The following TLCD3B variants were observed in gnomAD, a reference collection of about 807,000 sequenced individuals.
TLCD3B encodes TLC domain containing 3B.
Under a neutral mutation model 23.0 loss-of-function variants are expected in TLCD3B, and 9 were observed. The observed-to-expected ratio is 0.39, with a 90% CI of 0.24 to 0.68. The LOEUF (loss-of-function observed/expected upper bound fraction) is 0.68, where lower values mean the gene tolerates loss of function less well. Among genes scored for constraint, TLCD3B ranks in the 30% least tolerant of loss-of-function variants. The pLI is 0.44. For synonymous variants in TLCD3B, 161 were observed against 161.0 expected, an observed-to-expected ratio of 1.00 and a Z score of 0.00; for missense variants, 307 against 371.8, an observed-to-expected ratio of 0.83 and a Z score of 1.43.
intron 3 of TLCD3B, chr16:30,036,440 A>G (rs2071475455): frequency 8.0e-7 from 1 of 1,252,084 alleles, no homozygotes; most frequent in South Asian, 1.4e-5. Context: ...GAGCAGGCAC[A>G]GGCAGGATGA....
intron 2 of TLCD3B, among the ~76,000 whole-genome samples, chr16:30,045,285 G>GT: frequency 6.8e-6 from 1 of 147,200 alleles, no homozygotes; most frequent in Non-Finnish European, 1.5e-5. Flanking sequence ...TGGTGTGTGT[G>GT]TGGTGGGGTG....
chr16:30,026,728 C>T lies in TLCD3B; in HGVS notation c.325G>A (p.Asp109Asn), dbSNP rs370399407. The T allele has an allele frequency of 2.0e-5, 32 of 1,613,980 alleles. No individual in the cohort carries two copies. Among genetic ancestry groups the T allele is most frequent in the Middle Eastern group, 3.3e-4 (2 of 6,084 alleles). The change falls in exon 3 of 5, where the codon GAC (aspartate) becomes AAC (asparagine). Residue 109 changes from aspartate to asparagine, a missense_variant. Physicochemically the swap from Asp to Asn is conservative, Grantham distance 23. Coordinates refer to ENST00000380495, the MANE Select transcript of TLCD3B (RefSeq NM_031478.6). ...KHQVKGHGGDDGAARAPGSTW... is the reference protein window; with the variant it reads ...KHQVKGHGGDNGAARAPGSTW... ...CTGCCCGGGGCTCTGGCCGCTCCGT[C>T]GTCCCCTCCATGCCCTTTGACCTGG...
intron 3 of TLCD3B, among the ~76,000 whole-genome samples, chr16:30,039,206 C>T (rs371882091): frequency 3.5e-5 from 5 of 144,314 alleles, no homozygotes; most frequent in East Asian, 2.2e-4. Flanking sequence ...TTACCGCAAA[C>T]GTCGCCTCCC....
Position 30,029,442 on chromosome 16 carries a change from T to A in TLCD3B, c.199A>T (p.Ile67Phe). ...YIVSTSCKHI[I>F]DDQHWLSSAY... is the part of the protein sequence containing the mutation. ...TCTCGCAGCACTTACTGGTCATCAA[T>A]GATGTGCTTGCAGGAGGTGGAGACG... The change falls in exon 2 of 5, where the codon ATT becomes TTT. Residue 67 changes from isoleucine (I) to phenylalanine (F), a missense_variant. By Grantham distance (21) the Ile-to-Phe change is conservative (BLOSUM62 0). Coordinates refer to ENST00000380495, the MANE Select transcript of TLCD3B (RefSeq NM_031478.6). This position sits in a 1 kb window ranked among gnomAD's most constrained non-coding sequence, Gnocchi z 4.6. 1 of 1,613,834 alleles carries A rather than the reference T, an allele frequency of 6.2e-7. No individual in the cohort carries two copies. Among genetic ancestry groups the A allele is most frequent in the South Asian group, 1.1e-5 (1 of 91,064 alleles).
intron 2 of TLCD3B, among the ~76,000 whole-genome samples, chr16:30,028,318 G>T (rs796976605): frequency 2.6e-5 from 4 of 152,110 alleles, no homozygotes; most frequent in Admixed American, 6.5e-5. Flanking sequence ...GGATTAACCC[G>T]GATCCTCCCC....
rs948272100 is a variant in TLCD3B at position 30,025,004 on chromosome 16, G to T, written c.*179C>A. 3 of 539,782 alleles carry T rather than the reference G, an allele frequency of 5.6e-6. No homozygotes were observed. Among genetic ancestry groups the T allele is most frequent in the Admixed American group, 3.7e-5 (1 of 26,950 alleles). 33.4% of individuals were successfully genotyped at this position (539,782 alleles called of 1,614,324 possible). On this transcript the variant is annotated 3_prime_UTR_variant, in exon 5 of 5. Coordinates refer to ENST00000380495, the MANE Select transcript of TLCD3B (RefSeq NM_031478.6). This position sits in a 1 kb window ranked among gnomAD's most constrained non-coding sequence, Gnocchi z 4.1. ...GGAAGGGGGCAGAGTAGGGGGAAGA[G>T]GTCCCCTCTCTCCACCCCCTCAGTC... is the stretch of plus-strand genomic sequence containing the variant.
At chr16:30,036,756 C>G (rs4788216) in intron 3 of TLCD3B, among the ~76,000 whole-genome samples, 69,371 of 152,000 alleles carry the variant, frequency 0.46, 16,010 homozygotes, top group African/African-American at 0.48. Context: ...GTTTCAGGGA[C>G]AGGGCTCAAA....
upstream of TLCD3B, among the ~76,000 whole-genome samples, chr16:30,031,836 C>A (rs2071368705): frequency 6.6e-6 from 1 of 152,152 alleles, no homozygotes; most frequent in Non-Finnish European, 1.5e-5. Context: ...CCTGAGGCTC[C>A]CTGAGGTCAC....
rs748443806 is a variant in TLCD3B, at chr16:30,026,819, C to G, written c.234G>C (p.Thr78=). 69 of 1,613,868 alleles carry G rather than the reference C, an allele frequency of 4.3e-5. 1 individual carries two copies. Among genetic ancestry groups the G allele is most frequent in the Non-Finnish European group, 5.3e-5 (63 of 1,180,010 alleles). ...DDQHWLSSAY[T]QFAVPYFIYD... ...AGATGAAGTAGGGCACAGCAAATTG[C>G]GTGTAGGCAGAGGACAGCCAGTGTC... is the stretch of plus-strand genomic sequence containing the variant. Residue 78 remains threonine, a synonymous_variant, in exon 3 of 5, where the codon ACG becomes ACC. Transcript: ENST00000380495.
At chr16:30,039,607 TA>T (rs919471663) in intron 3 of TLCD3B, among the ~76,000 whole-genome samples, 3 of 151,788 alleles carry the variant, frequency 2.0e-5, no homozygotes, top group Middle Eastern at 3.4e-3. Flanking sequence ...TTTTTGTATT[TA>T]AAAAAAAATT....
chr16:30,039,386 G>C (rs1255632349), intron 3 of TLCD3B, among the ~76,000 whole-genome samples: 1 of 151,932 alleles, frequency 6.6e-6, no homozygotes, highest in Non-Finnish European at 1.5e-5. Flanking sequence ...GCCTCCCAAA[G>C]TGCTGGGATT....
At chr16:30,044,202 G>A (rs751222055) in intron 2 of TLCD3B, among the ~76,000 whole-genome samples, 3 of 151,802 alleles carry the variant, frequency 2.0e-5, no homozygotes, top group Non-Finnish European at 2.9e-5. Context: ...TCACCATGTT[G>A]CCCAGGCTGG....
chr16:30,030,257 G>A, intron 1 of TLCD3B, 146 bp downstream of exon 1: 1 of 1,127,018 alleles, frequency 8.9e-7, no homozygotes, highest in Admixed American at 2.2e-5. Context: ...GCAGTGAGGA[G>A]AGAGGAAGCC....
At chr16:30,043,042 G>A (rs1360156028) in intron 2 of TLCD3B, among the ~76,000 whole-genome samples, 1 of 152,134 alleles carries the variant, frequency 6.6e-6, no homozygotes, top group East Asian at 1.9e-4. Context: ...AGAGGCTGCA[G>A]TGAGCCGAGA....
chr16:30,034,338 T>C (rs1020548543), upstream of TLCD3B, among the ~76,000 whole-genome samples: 1 of 139,958 alleles, frequency 7.1e-6, no homozygotes, highest in Non-Finnish European at 1.5e-5. Context: ...CTTCGGAGGC[T>C]GAGAAGGAAC....
chr16:30,027,065 C>T (rs2071175877), intron 2 of TLCD3B: 4 of 663,060 alleles, frequency 6.0e-6, no homozygotes, highest in Non-Finnish European at 1.1e-5. Flanking sequence ...TCAGAACTCA[C>T]CCATGTTCCT....
At position 30,026,743 on chromosome 16, in the gene TLCD3B, C is replaced by T; in HGVS notation, c.310G>A (p.Gly104Arg). 6.2e-7 allele frequency: 1 copy of T among 1,614,154 alleles called. No individual in the cohort carries two copies. Among genetic ancestry groups the T allele is most frequent in the Non-Finnish European group, 8.5e-7 (1 of 1,180,028 alleles). ...LCHWHKHQVK[G>R]HGGDDGAARA... ...GCCGCTCCGTCGTCCCCTCCATGCC[C>T]TTTGACCTGGTGCTTGTGCCAGTGA... The change falls in exon 3 of 5, where the codon GGG becomes AGG. Residue 104 changes from glycine (G) to arginine (R), a missense_variant. By Grantham distance (125) the Gly-to-Arg change is moderately radical. Transcript: ENST00000380495.
chr16:30,030,886 A>T lies in TLCD3B; in HGVS notation c.-359T>A. 1.6e-5 allele frequency: 3 copies of T among 181,936 alleles called. No homozygotes were observed. The highest frequency in any genetic ancestry group is 2.3e-4 in the South Asian group (1 of 4,382). The allele number at this position is 181,936 out of a possible 1,614,324, so 11.3% of individuals were successfully genotyped here. On this transcript the variant is annotated 5_prime_UTR_variant, in exon 1 of 5. Transcript: ENST00000380495. Reference sequence around the variant, plus strand: ...GGGGGAGGGGAGGGAGCCACCAGGCAGGTGGGGAGGGGAGGCTTACGTGAG... The same window carrying T: ...GGGGGAGGGGAGGGAGCCACCAGGCTGGTGGGGAGGGGAGGCTTACGTGAG...
At chr16:30,051,856 G>A (rs2071761121) in intron 1 of TLCD3B, among the ~76,000 whole-genome samples, 1 of 152,208 alleles carries the variant, frequency 6.6e-6, no homozygotes, top group East Asian at 1.9e-4. Flanking sequence ...AGAGGTTTGA[G>A]GGGAAGACAG....
Sources: gnomAD v4.1 joint callset for allele counts (sites outside exome capture counted in the v4.1 genomes callset) on GRCh38, gnomAD v4.1.1 for gene constraint, Gnocchi (gnomAD v3.1) non-coding constraint, MANE v1.5 for transcripts, NCBI Gene and HGNC (gene_info 2026-07-23, HGNC 2026-07-21) for gene names.